Variants in ATXN7L1 observed in about 807,000 individuals in gnomAD.
ATXN7L1 encodes the protein ataxin-7-like protein 1.
Under a neutral mutation model 70.8 loss-of-function variants are expected in ATXN7L1, and 15 were observed. That is an observed-to-expected ratio of 0.21 (90% confidence interval 0.14 to 0.33). The LOEUF is 0.33. Ranked by LOEUF, ATXN7L1 falls within the 10% of genes least tolerant of loss-of-function variation. ATXN7L1 has a pLI of 1.00. For synonymous variants in ATXN7L1, 440 were observed against 445.1 expected, an observed-to-expected ratio of 0.99 and a Z score of 0.14; for missense variants, 975 against 1,097.1, an observed-to-expected ratio of 0.89 and a Z score of 1.57.
chr7:105,692,913 G>A (rs1036965804), intron 3 of ATXN7L1, among the ~76,000 whole-genome samples: 3 of 151,292 alleles, frequency 2.0e-5, no homozygotes, highest in South Asian at 2.1e-4. Context: ...TTGTAGACAC[G>A]GAGTCTTGCC....
intron 7 of ATXN7L1, among the ~76,000 whole-genome samples, chr7:105,628,923 A>T (rs772128776): frequency 6.2e-5 from 9 of 145,438 alleles, no homozygotes; most frequent in Non-Finnish European, 9.0e-5. Context: ...AACATATGTC[A>T]CCTCACAGTT....
At chr7:105,768,677 G>A (rs1395280367) in intron 3 of ATXN7L1, among the ~76,000 whole-genome samples, 7 of 152,238 alleles carry the variant, frequency 4.6e-5, no homozygotes. Context: ...CTGCTGAAAT[G>A]ACCATAACTT....
intron 3 of ATXN7L1, among the ~76,000 whole-genome samples, chr7:105,690,688 C>A (rs1299018587): frequency 6.6e-6 from 1 of 152,164 alleles, no homozygotes; most frequent in African/African-American, 2.4e-5. Flanking sequence ...TGCTGATGAA[C>A]GCGCTACTTA....
At chr7:105,632,721 A>G (rs1283612741) in intron 7 of ATXN7L1, among the ~76,000 whole-genome samples, 3 of 151,978 alleles carry the variant, frequency 2.0e-5, no homozygotes, top group Admixed American at 2.0e-4. Flanking sequence ...GATGTTCAAG[A>G]TCAGCCTGGG....
At position 105,605,045 on chromosome 7, in the gene ATXN7L1, T is replaced by TTTTTTTTTG; in HGVS notation, c.*2806_*2807insCAAAAAAAA. On this transcript the variant is annotated 3_prime_UTR_variant, in exon 12 of 12. Coordinates refer to ENST00000419735, the MANE Select transcript of ATXN7L1 (RefSeq NM_020725.2). Reference sequence around the variant, plus strand: ...GGCATACAAGTTATCCAAGTCGCTTTTTTTTTTTTTTTTTTTTTTTTATGG... The same window carrying TTTTTTTTTG: ...GGCATACAAGTTATCCAAGTCGCTTTTTTTTTTTGTTTTTTTTTTTTTTTTTTTTTATGG... 7.8e-6 allele frequency: 1 copy of TTTTTTTTTG among 127,878 alleles called. No individual in the cohort carries two copies. The highest frequency in any genetic ancestry group is 1.8e-5 in the Non-Finnish European group (1 of 56,988). The allele number at this position is 127,878 out of a possible 1,614,324, so 7.9% of individuals were successfully genotyped here.
intron 5 of ATXN7L1, among the ~76,000 whole-genome samples, chr7:105,640,168 A>G (rs1161993135): frequency 6.6e-6 from 1 of 152,104 alleles, no homozygotes; most frequent in Non-Finnish European, 1.5e-5. Flanking sequence ...CACAAACACC[A>G]TTTACCTGAT....
chr7:105,661,747 T>G (rs1801642506), intron 4 of ATXN7L1, among the ~76,000 whole-genome samples: 1 of 152,126 alleles, frequency 6.6e-6, no homozygotes, highest in African/African-American at 2.4e-5. Flanking sequence ...CCTGGACGTG[T>G]TGGGTAAATG....
At chr7:105,774,228 C>G (rs1229445422) in intron 3 of ATXN7L1, among the ~76,000 whole-genome samples, 1 of 152,156 alleles carries the variant, frequency 6.6e-6, no homozygotes. Flanking sequence ...CCATCTAGCC[C>G]CTGCCTTCTT....
At chr7:105,758,901 G>A (rs1800148449) in intron 3 of ATXN7L1, among the ~76,000 whole-genome samples, 1 of 152,194 alleles carries the variant, frequency 6.6e-6, no homozygotes, top group South Asian at 2.1e-4. Flanking sequence ...GAGGTACGGG[G>A]AAGAGAATGG....
At chr7:105,875,628 C>CCG (rs66660368) in intron 2 of ATXN7L1, among the ~76,000 whole-genome samples, 184 bp downstream of exon 2, 33 of 9,248 alleles carry the variant, frequency 3.6e-3, no homozygotes, top group Non-Finnish European at 0.012. Flanking sequence ...CCCCCCTTTA[C>CCG]CCCCCCCCCA....
intron 2 of ATXN7L1, among the ~76,000 whole-genome samples, chr7:105,831,169 G>T (rs952540717): frequency 2.0e-5 from 3 of 152,208 alleles, no homozygotes; most frequent in African/African-American, 7.2e-5. Context: ...ACTTGTTGGT[G>T]ACCAAGCTCC....
intron 3 of ATXN7L1, among the ~76,000 whole-genome samples, chr7:105,709,891 G>A (rs1167016428): frequency 8.1e-6 from 1 of 122,856 alleles, no homozygotes; most frequent in African/African-American, 3.2e-5. Context: ...TTTTTTTTTT[G>A]ATACAGAGTC....
At chr7:105,794,281 A>T (rs1805679152) in intron 2 of ATXN7L1, among the ~76,000 whole-genome samples, 1 of 152,172 alleles carries the variant, frequency 6.6e-6, no homozygotes, top group Non-Finnish European at 1.5e-5. Flanking sequence ...CAAGAGCCTG[A>T]AGCCAGAAAC....
chr7:105,747,991 T>C (rs1439151768), intron 3 of ATXN7L1, among the ~76,000 whole-genome samples: 1 of 151,944 alleles, frequency 6.6e-6, no homozygotes, highest in African/African-American at 2.4e-5. Flanking sequence ...TGGTGACACA[T>C]GCCTGTAATC....
chr7:105,686,201 T>C (rs1047053708), intron 3 of ATXN7L1, among the ~76,000 whole-genome samples: 2 of 152,134 alleles, frequency 1.3e-5, no homozygotes, highest in African/African-American at 2.4e-5. Context: ...CCATCATAAA[T>C]TGAAAATATC....
chr7:105,754,717 C>T (rs1021611245), intron 3 of ATXN7L1, among the ~76,000 whole-genome samples: 1 of 152,198 alleles, frequency 6.6e-6, no homozygotes, highest in African/African-American at 2.4e-5. Context: ...CCCGTGGCCT[C>T]CCAAAGTTCT....
At chr7:105,730,222 C>A (rs1180577286) in intron 3 of ATXN7L1, among the ~76,000 whole-genome samples, 1 of 152,218 alleles carries the variant, frequency 6.6e-6, no homozygotes, top group Non-Finnish European at 1.5e-5. Flanking sequence ...ATAAACCATG[C>A]TGAGAGTACA....
At chr7:105,750,618 A>G (rs1236200073) in intron 3 of ATXN7L1, among the ~76,000 whole-genome samples, 1 of 148,194 alleles carries the variant, frequency 6.7e-6, no homozygotes, top group African/African-American at 2.4e-5. Flanking sequence ...CCTGACCAAC[A>G]TGGTGAAACC....
At chr7:105,766,251 C>T (rs1442746511) in intron 3 of ATXN7L1, among the ~76,000 whole-genome samples, 3 of 151,524 alleles carry the variant, frequency 2.0e-5, no homozygotes, top group African/African-American at 7.3e-5. Flanking sequence ...TCAAAGTCCA[C>T]GTGGGCTGCG....
Sources: allele counts gnomAD v4.1 joint callset (sites outside exome capture counted in the v4.1 genomes callset), GRCh38; gene constraint gnomAD v4.1.1; transcripts MANE v1.5; gene names NCBI Gene and HGNC (gene_info 2026-07-23, HGNC 2026-07-21).